The following ITGBL1 variants were observed in gnomAD, a reference collection of about 807,000 sequenced individuals.
ITGBL1 encodes integrin beta-like protein 1.
In ITGBL1, 51 loss-of-function variants were observed where a neutral mutation model predicts 68.5. The ratio of observed to expected loss-of-function variants is 0.74; its 90% CI spans 0.59 to 0.94. ITGBL1 has a LOEUF of 0.94. Among genes scored for constraint, ITGBL1 ranks in the 40% least tolerant of loss-of-function variants. The pLI, the probability that ITGBL1 is intolerant of heterozygous loss-of-function variation, is 0.00. For synonymous variants in ITGBL1, 209 were observed against 227.3 expected, an observed-to-expected ratio of 0.92 and a Z score of 0.72; for missense variants, 649 against 647.4, an observed-to-expected ratio of 1.00 and a Z score of -0.03.
chr13:101,639,374 C>T (rs908478519), intron 7 of ITGBL1, among the ~76,000 whole-genome samples: 52 of 152,100 alleles, frequency 3.4e-4, no homozygotes, highest in African/African-American at 1.2e-3. Flanking sequence ...TAATGTTGCT[C>T]AAGAATTGAA....
At chr13:101,607,694 T>C (rs2030936860) in intron 7 of ITGBL1, among the ~76,000 whole-genome samples, 1 of 152,044 alleles carries the variant, frequency 6.6e-6, no homozygotes. Context: ...TGTGCTCTCC[T>C]GCCGGGGGCT....
At chr13:101,603,699 ATGTG>A (rs1447257642) in intron 7 of ITGBL1, among the ~76,000 whole-genome samples, 1 of 151,476 alleles carries the variant, frequency 6.6e-6, no homozygotes, top group Non-Finnish European at 1.5e-5. Flanking sequence ...TTTAAAAAAA[ATGTG>A]TGTGTATTTT....
intron 2 of ITGBL1, among the ~76,000 whole-genome samples, chr13:101,472,432 C>A (rs1009835646): frequency 6.6e-6 from 1 of 152,114 alleles, no homozygotes; most frequent in Non-Finnish European, 1.5e-5. Context: ...CGTTTTCTAC[C>A]TTAAAATAAT....
chr13:101,556,672 G>A (rs911660477), intron 2 of ITGBL1, among the ~76,000 whole-genome samples: 7 of 151,982 alleles, frequency 4.6e-5, no homozygotes, highest in African/African-American at 1.7e-4. Flanking sequence ...ACAGAGACAT[G>A]ACTGGAGAAG....
chr13:101,655,102 T>G (rs1254965501), intron 7 of ITGBL1, among the ~76,000 whole-genome samples: 2 of 152,272 alleles, frequency 1.3e-5, no homozygotes, highest in East Asian at 3.9e-4. Context: ...TTTCTGAAGA[T>G]GACTGAGGTG....
At chr13:101,627,061 A>G (rs935476935) in intron 7 of ITGBL1, among the ~76,000 whole-genome samples, 11 of 152,186 alleles carry the variant, frequency 7.2e-5, no homozygotes, top group African/African-American at 2.7e-4. Context: ...AATAAAGATA[A>G]AACACGAGAA....
chr13:101,455,354 G>A (rs2048228831), intron 2 of ITGBL1, among the ~76,000 whole-genome samples: 1 of 152,174 alleles, frequency 6.6e-6, no homozygotes, highest in Non-Finnish European at 1.5e-5. Flanking sequence ...TCCCTGTGAA[G>A]GCTGTGGATC....
intron 7 of ITGBL1, among the ~76,000 whole-genome samples, chr13:101,604,037 A>T (rs1051538990): frequency 4.6e-5 from 7 of 151,970 alleles, no homozygotes; most frequent in African/African-American, 1.7e-4. Context: ...AAAACAAAGA[A>T]ATGAACAAAA....
chr13:101,706,194 A>C (rs1474082297), intron 8 of ITGBL1, among the ~76,000 whole-genome samples: 1 of 152,222 alleles, frequency 6.6e-6, no homozygotes, highest in Non-Finnish European at 1.5e-5. Flanking sequence ...ACATGAATCC[A>C]AGCTAATGTT....
At chr13:101,587,777 A>G (rs187035487) in intron 6 of ITGBL1, among the ~76,000 whole-genome samples, 132 of 152,318 alleles carry the variant, frequency 8.7e-4, no homozygotes, top group Non-Finnish European at 1.6e-4. Context: ...AAAGAAACTA[A>G]AGGAAATGAT....
At chr13:101,653,865 TTTTTG>T (rs541311066) in intron 7 of ITGBL1, among the ~76,000 whole-genome samples, 3,363 of 132,994 alleles carry the variant, frequency 0.025, 205 homozygotes, top group African/African-American at 0.078. Context: ...CTTTTTTTGT[TTTTTG>T]TTTTTTTTTT....
chr13:101,530,141 G>A (rs1352577306), intron 2 of ITGBL1, among the ~76,000 whole-genome samples: 1 of 152,102 alleles, frequency 6.6e-6, no homozygotes, highest in Non-Finnish European at 1.5e-5. Context: ...TAAAAACATA[G>A]TTACTTTTGT....
chr13:101,656,697 A>G (rs2139466855), intron 7 of ITGBL1, among the ~76,000 whole-genome samples: 1 of 152,316 alleles, frequency 6.6e-6, no homozygotes, highest in Non-Finnish European at 1.5e-5. Context: ...TGTTTGTAAT[A>G]GGTGACAATA....
rs756142546 is a variant in ITGBL1 at position 101,598,229 on chromosome 13, C to G, written c.945C>G (p.Ser315=). The G allele has an allele frequency of 6.2e-7, 1 of 1,613,846 alleles. No individual in the cohort carries two copies. The highest frequency in any genetic ancestry group is 8.5e-7 in the Non-Finnish European group (1 of 1,179,890). Residue 315 remains serine (S), a synonymous_variant, in exon 7 of 11, where the codon TCC becomes TCG. Transcript: ENST00000376180. ...GGAAGAAGTGTGAGCACCCACAGTCCTGCACGCTGTCAGCTGAGGAGAGCA... is the reference window on the plus strand; with the variant it reads ...GGAAGAAGTGTGAGCACCCACAGTCGTGCACGCTGTCAGCTGAGGAGAGCA... ...WYGKKCEHPQ[S]CTLSAEESIR... is the part of the protein sequence containing the mutation.
intron 7 of ITGBL1, among the ~76,000 whole-genome samples, chr13:101,605,556 A>G (rs150734995): frequency 2.3e-3 from 348 of 151,756 alleles, no homozygotes; most frequent in Non-Finnish European, 4.1e-3. Context: ...ACGTATTTAG[A>G]CATATGTATA....
At chr13:101,626,678 G>A (rs2031789936) in intron 7 of ITGBL1, among the ~76,000 whole-genome samples, 1 of 152,122 alleles carries the variant, frequency 6.6e-6, no homozygotes, top group African/African-American at 2.4e-5. Flanking sequence ...AAATCCAGCT[G>A]CACACATTAT....
chr13:101,559,218 G>A (rs1262758946), intron 2 of ITGBL1, among the ~76,000 whole-genome samples: 2 of 152,116 alleles, frequency 1.3e-5, no homozygotes, highest in Non-Finnish European at 2.9e-5. Context: ...ATTAATTGAT[G>A]TCTGTCACCC....
intron 7 of ITGBL1, among the ~76,000 whole-genome samples, chr13:101,686,135 A>G (rs1021918151): frequency 6.6e-6 from 1 of 152,102 alleles, no homozygotes; most frequent in Non-Finnish European, 1.5e-5. Flanking sequence ...CTTTTGCAAC[A>G]CAAGGTGTTT....
At chr13:101,690,917 T>G (rs927669041) in intron 7 of ITGBL1, among the ~76,000 whole-genome samples, 1 of 152,128 alleles carries the variant, frequency 6.6e-6, no homozygotes, top group Admixed American at 6.5e-5. Flanking sequence ...TAAAAAATAT[T>G]TTATTAGAAG....
Sources: gnomAD v4.1 joint callset for allele counts (sites outside exome capture counted in the v4.1 genomes callset) on GRCh38, gnomAD v4.1.1 for gene constraint, MANE v1.5 for transcripts, NCBI Gene and HGNC (gene_info 2026-07-23, HGNC 2026-07-21) for gene names.